Variants in MEF2A observed in about 807,000 individuals in gnomAD.
MEF2A encodes myocyte-specific enhancer factor 2A.
Under a neutral mutation model 55.8 loss-of-function variants are expected in MEF2A, and 28 were observed. The ratio of observed to expected loss-of-function variants is 0.50; its 90% CI spans 0.37 to 0.69. MEF2A has a LOEUF of 0.69. Ranked by LOEUF, MEF2A falls within the 30% of genes least tolerant of loss-of-function variation. The pLI is 0.00. For synonymous variants in MEF2A, 239 were observed against 227.1 expected, an observed-to-expected ratio of 1.05 and a Z score of -0.47; for missense variants, 528 against 626.2, an observed-to-expected ratio of 0.84 and a Z score of 1.67.
At chr15:99,671,247 T>C (rs1235391397) in intron 4 of MEF2A, 76 bp from the exon 5 acceptor site, 1 of 1,513,346 alleles carries the variant, frequency 6.6e-7, no homozygotes, top group South Asian at 1.3e-5. Flanking sequence ...CCGTCTGTGC[T>C]CTCTTAATAA....
chr15:99,712,702 AC>A lies in MEF2A; in HGVS notation c.1454del (p.Pro485GlnfsTer11). The A allele has an allele frequency of 6.4e-7, 1 of 1,564,290 alleles. No homozygotes were observed. Among genetic ancestry groups the A allele is most frequent in the East Asian group, 2.4e-5 (1 of 41,944 alleles). ...TCCATTCTCCAATTGTGCTTGGCCGACCCCCAAACACTGAGGACAGAGAAAG... is the reference window on the plus strand; with the variant it reads ...TCCATTCTCCAATTGTGCTTGGCCGACCCCAAACACTGAGGACAGAGAAAG... ...DFHSPIVLGR[P>X]PNTEDRESPS... is the part of the protein sequence containing the mutation. On this transcript the variant is annotated frameshift_variant, in exon 12 of 12. Coordinates refer to ENST00000557942, the MANE Select transcript of MEF2A (RefSeq NM_001319206.4). LOFTEE classifies it high-confidence loss of function. This position sits in a 1 kb window ranked among gnomAD's most constrained non-coding sequence, Gnocchi z 4.1.
chr15:99,573,095 TG>T (rs1326171866), intron 1 of MEF2A, among the ~76,000 whole-genome samples: 1 of 152,124 alleles, frequency 6.6e-6, no homozygotes, highest in African/African-American at 2.4e-5. Flanking sequence ...GAGACCATCC[TG>T]GCTAACACAG....
intron 1 of MEF2A, among the ~76,000 whole-genome samples, chr15:99,570,419 C>T (rs192301354): frequency 1.3e-5 from 2 of 152,076 alleles, no homozygotes; most frequent in East Asian, 1.9e-4. Flanking sequence ...AAAAACAAAA[C>T]AAAAACCTTT....
At chr15:99,670,176 C>T (rs1036531298) in intron 4 of MEF2A, among the ~76,000 whole-genome samples, 2 of 151,982 alleles carry the variant, frequency 1.3e-5, no homozygotes, top group African/African-American at 4.8e-5. Flanking sequence ...TTTAATTTAT[C>T]CTTTTAAGTA....
intron 4 of MEF2A, among the ~76,000 whole-genome samples, chr15:99,663,123 C>T (rs1217971212): frequency 1.3e-5 from 2 of 151,786 alleles, no homozygotes; most frequent in African/African-American, 2.4e-5. Flanking sequence ...AAAGTGCAGG[C>T]ATGGGCTCTA....
intron 1 of MEF2A, among the ~76,000 whole-genome samples, chr15:99,581,527 C>G: frequency 6.6e-6 from 1 of 151,664 alleles, no homozygotes; most frequent in African/African-American, 2.4e-5. Context: ...ATTGACCTCC[C>G]GTGTTTTTCT....
chr15:99,566,757 G>T (rs1959769896), intron 1 of MEF2A, among the ~76,000 whole-genome samples: 1 of 152,218 alleles, frequency 6.6e-6, no homozygotes, highest in African/African-American at 2.4e-5. Flanking sequence ...GGGGTGGAAC[G>T]CTTAGGTACG....
At chr15:99,658,360 A>G (rs1352597405) in intron 4 of MEF2A, among the ~76,000 whole-genome samples, 1 of 152,234 alleles carries the variant, frequency 6.6e-6, no homozygotes, top group Non-Finnish European at 1.5e-5. Flanking sequence ...TGAACCAAAG[A>G]TAGAAGAAAT....
chr15:99,659,151 A>G (rs1376481519), intron 4 of MEF2A, among the ~76,000 whole-genome samples: 1 of 152,156 alleles, frequency 6.6e-6, no homozygotes, highest in African/African-American at 2.4e-5. Flanking sequence ...CTATCTTAGT[A>G]TTCATTTACG....
At chr15:99,573,289 A>G (rs2152752996) in intron 1 of MEF2A, among the ~76,000 whole-genome samples, 1 of 149,186 alleles carries the variant, frequency 6.7e-6, no homozygotes, top group East Asian at 1.9e-4. Flanking sequence ...TCCGTCTCAA[A>G]AAAAAAAAAA....
intron 8 of MEF2A, among the ~76,000 whole-genome samples, chr15:99,695,988 A>G (rs2056418142): frequency 6.6e-6 from 1 of 152,258 alleles, no homozygotes; most frequent in Non-Finnish European, 1.5e-5. Context: ...TATTAATTTC[A>G]GACAATATAA....
chr15:99,673,446 A>G (rs1332788519), intron 5 of MEF2A, among the ~76,000 whole-genome samples: 1 of 152,240 alleles, frequency 6.6e-6, no homozygotes, highest in Non-Finnish European at 1.5e-5. Flanking sequence ...ATAAACTACT[A>G]TTGAATAAAG....
chr15:99,578,476 T>G (rs1293686833), intron 1 of MEF2A, among the ~76,000 whole-genome samples: 1 of 152,208 alleles, frequency 6.6e-6, no homozygotes, highest in Admixed American at 6.5e-5. Flanking sequence ...AGGCTCATCT[T>G]GCATTTTACC....
chr15:99,696,110 TAA>T (rs1448936862), intron 8 of MEF2A, among the ~76,000 whole-genome samples: 1 of 152,108 alleles, frequency 6.6e-6, no homozygotes, highest in Non-Finnish European at 1.5e-5. Context: ...TCAAAATACA[TAA>T]AGTGAAGACT....
intron 2 of MEF2A, among the ~76,000 whole-genome samples, 192 bp downstream of exon 2, chr15:99,598,703 C>T (rs1220714799): frequency 1.3e-5 from 2 of 151,958 alleles, no homozygotes; most frequent in Non-Finnish European, 2.9e-5. Context: ...GTGGCAGTTT[C>T]TCTTATATTT....
At chr15:99,703,633 A>G (rs1184923677) in intron 9 of MEF2A, among the ~76,000 whole-genome samples, 2 of 150,334 alleles carry the variant, frequency 1.3e-5, no homozygotes, top group South Asian at 4.3e-4. Flanking sequence ...GTAGCTGTCC[A>G]TGAGCATAGG....
At chr15:99,685,906 T>G (rs1356558968) in intron 7 of MEF2A, among the ~76,000 whole-genome samples, 1 of 152,236 alleles carries the variant, frequency 6.6e-6, no homozygotes, top group African/African-American at 2.4e-5. Context: ...CTTTGAATGC[T>G]TGATAGAATT....
chr15:99,707,848 C>T (rs1015933282), intron 10 of MEF2A, among the ~76,000 whole-genome samples: 6 of 151,928 alleles, frequency 3.9e-5, no homozygotes, highest in African/African-American at 7.3e-5. Context: ...TCCGCAGCTA[C>T]GTGAGGGGAC....
At chr15:99,667,444 C>G (rs976023173) in intron 4 of MEF2A, among the ~76,000 whole-genome samples, 1 of 152,058 alleles carries the variant, frequency 6.6e-6, no homozygotes, top group African/African-American at 2.4e-5. Flanking sequence ...AGGATGGTCT[C>G]AATCTCCTGA....
Sources: gnomAD v4.1 joint callset for allele counts (sites outside exome capture counted in the v4.1 genomes callset) on GRCh38, gnomAD v4.1.1 for gene constraint, Gnocchi (gnomAD v3.1) non-coding constraint, MANE v1.5 for transcripts, NCBI Gene and HGNC (gene_info 2026-07-23, HGNC 2026-07-21) for gene names.